Variants in NRCAM observed in about 807,000 individuals in gnomAD.
NRCAM encodes the protein NgCAM-related cell adhesion molecule.
NRCAM carries 83 observed loss-of-function variants against 156.5 expected under a neutral mutation model. The ratio of observed to expected loss-of-function variants is 0.53; its 90% confidence interval spans 0.44 to 0.64. NRCAM has a LOEUF of 0.64. Among genes scored for constraint, NRCAM ranks in the 30% least tolerant of loss-of-function variants. The probability of loss-of-function intolerance (pLI) is 0.00; values close to 1 mark genes in which losing one functional copy is unlikely to be tolerated. For missense variants in NRCAM, 1,417 were observed against 1,597.3 expected (o/e 0.89, Z 1.92); for synonymous variants, 538 against 563.9 (o/e 0.95, Z 0.65).
At chr7:108,433,441 C>G (rs772101047) in intron 1 of NRCAM, among the ~76,000 whole-genome samples, 49 of 152,184 alleles carry the variant, frequency 3.2e-4, no homozygotes, top group Non-Finnish European at 7.1e-4. Context: ...GCACTGTTAT[C>G]ACCTGAGAGA....
At chr7:108,350,139 G>A (rs2099401127) in intron 2 of NRCAM, among the ~76,000 whole-genome samples, 2 of 152,106 alleles carry the variant, frequency 1.3e-5, no homozygotes, top group Admixed American at 1.3e-4. Context: ...TCAGGTTTCT[G>A]CTCAAATGTC....
chr7:108,416,200 A>T (rs887492067), intron 1 of NRCAM, among the ~76,000 whole-genome samples: 105 of 152,364 alleles, frequency 6.9e-4, no homozygotes, highest in African/African-American at 2.4e-3. Flanking sequence ...AGGAGATTTG[A>T]ATGCTGCATT....
chr7:108,265,877 A>T (rs2097085822), intron 3 of NRCAM, among the ~76,000 whole-genome samples: 1 of 152,200 alleles, frequency 6.6e-6, no homozygotes, highest in Non-Finnish European at 1.5e-5. Context: ...TTACAACAAA[A>T]TACACCATTG....
intron 10 of NRCAM, among the ~76,000 whole-genome samples, chr7:108,224,754 A>T (rs895842874): frequency 1.3e-5 from 2 of 152,182 alleles, no homozygotes; most frequent in African/African-American, 2.4e-5. Context: ...CTTGAGAAAA[A>T]TTAGTTTTCC....
chr7:108,173,284 C>A (rs1338383720), intron 28 of NRCAM, among the ~76,000 whole-genome samples: 1 of 152,122 alleles, frequency 6.6e-6, no homozygotes, highest in Non-Finnish European at 1.5e-5. Flanking sequence ...CCACGCCCGG[C>A]CATATTGATG....
chr7:108,417,130 A>G lies in NRCAM; in HGVS notation c.-331-17537T>C, dbSNP rs1802566305. 2.0e-5 allele frequency among the ~76,000 whole-genome samples: 3 copies of G among 152,176 alleles called. 1 individual carries two copies. In the South Asian group the frequency reaches 6.2e-4, roughly 31 times the overall value. On this transcript the variant is annotated intron_variant, in intron 1 of 32. Transcript: ENST00000379028. ...TTTGCAACATAACACGCTTCCCTCC[A>G]TTTGATCAAATAATACTGGTGCTTC...
chr7:108,279,857 G>A (rs2097786167), intron 3 of NRCAM, among the ~76,000 whole-genome samples: 1 of 151,972 alleles, frequency 6.6e-6, no homozygotes, highest in Non-Finnish European at 1.5e-5. Context: ...ACCATGCCCA[G>A]CCTGCAACAC....
At chr7:108,409,584 G>A (rs866192699) in intron 1 of NRCAM, among the ~76,000 whole-genome samples, 3 of 152,206 alleles carry the variant, frequency 2.0e-5, no homozygotes, top group Non-Finnish European at 2.9e-5. Context: ...AGGACAGGTC[G>A]CTCCTCCTTC....
At chr7:108,161,386 C>T (rs1056680684) in intron 30 of NRCAM, among the ~76,000 whole-genome samples, 9 of 152,108 alleles carry the variant, frequency 5.9e-5, no homozygotes, top group South Asian at 2.1e-4. Flanking sequence ...ATGAGCATTT[C>T]GGGTATTATT....
At position 108,167,855 on chromosome 7, in the gene NRCAM, C is replaced by T. The variant is rs114279025; in HGVS notation, c.3313+422G>A. On this transcript the variant is annotated intron_variant, in intron 29 of 32. Coordinates refer to ENST00000379028, the MANE Select transcript of NRCAM (RefSeq NM_001037132.4). ...ATTTTCTGCGGTTTCTTATAAAATT[C>T]TGTTGGGCTAGTCAGGGCAAAATGA... Among the ~76,000 whole-genome samples, 1,122 of 152,260 alleles carry T rather than the reference C, an allele frequency of 7.4e-3. 17 individuals carry two copies. Among genetic ancestry groups the T allele is most frequent in the African/African-American group, 0.026 (1,061 of 41,542 alleles).
intron 19 of NRCAM, among the ~76,000 whole-genome samples, chr7:108,190,943 T>C (rs1356079536): frequency 1.3e-5 from 2 of 152,254 alleles, no homozygotes; most frequent in Non-Finnish European, 2.9e-5. Flanking sequence ...ATGTGGATGA[T>C]GGCTTTTGAA....
chr7:108,160,250 A>C (rs116999351), intron 31 of NRCAM, 111 bp downstream of exon 31: 34,971 of 1,068,584 alleles, frequency 0.033, 805 homozygotes, highest in Middle Eastern at 0.1. Flanking sequence ...GTCCAAACTC[A>C]TGGCTCTGGG....
chr7:108,381,150 G>T (rs967046467), intron 2 of NRCAM, among the ~76,000 whole-genome samples: 1 of 135,422 alleles, frequency 7.4e-6, no homozygotes, highest in African/African-American at 2.5e-5. Flanking sequence ...TTAAATATAC[G>T]TATGTAGCTA....
intron 2 of NRCAM, among the ~76,000 whole-genome samples, chr7:108,368,184 T>C (rs999570244): frequency 3.6e-4 from 55 of 151,530 alleles, no homozygotes; most frequent in African/African-American, 1.1e-3. Flanking sequence ...GCACCGGCTC[T>C]TCCTGCAGGA....
At chr7:108,421,257 G>A (rs905681122) in intron 1 of NRCAM, among the ~76,000 whole-genome samples, 4 of 152,182 alleles carry the variant, frequency 2.6e-5, no homozygotes, top group Non-Finnish European at 5.9e-5. Context: ...AAAGCATTAG[G>A]AGAGAAATTA....
intron 1 of NRCAM, 114 bp from the exon 2 acceptor site, chr7:108,399,707 T>C (rs146896723): frequency 5.3e-4 from 80 of 152,360 alleles, no homozygotes; most frequent in African/African-American, 1.8e-3. Context: ...ACTTACTATA[T>C]ATCAAATTCC....
chr7:108,189,093 T>C (rs1261689711), intron 20 of NRCAM, among the ~76,000 whole-genome samples: 2 of 152,080 alleles, frequency 1.3e-5, no homozygotes, highest in East Asian at 3.9e-4. Context: ...CCTAGGCTTG[T>C]GTCACCAACG....
chr7:108,428,096 G>A (rs991494249), intron 1 of NRCAM, among the ~76,000 whole-genome samples: 6 of 152,110 alleles, frequency 3.9e-5, no homozygotes, highest in Admixed American at 3.9e-4. Flanking sequence ...AAAGCAAAAG[G>A]AGAAACGTTT....
intron 1 of NRCAM, among the ~76,000 whole-genome samples, chr7:108,428,647 A>C (rs1226778213): frequency 6.6e-6 from 1 of 152,238 alleles, no homozygotes; most frequent in Non-Finnish European, 1.5e-5. Flanking sequence ...TGTAATACAC[A>C]AAAAATAAAA....
Sources: allele counts gnomAD v4.1 joint callset (sites outside exome capture counted in the v4.1 genomes callset), GRCh38; gene constraint gnomAD v4.1.1; transcripts MANE v1.5; gene names NCBI Gene and HGNC (gene_info 2026-07-23, HGNC 2026-07-21).